The following COP1 variants were observed in gnomAD, a reference collection of about 807,000 sequenced individuals.
The protein encoded by COP1 is COP1 E3 ubiquitin ligase, also known as E3 ubiquitin-protein ligase COP1.
COP1 carries 24 observed loss-of-function variants against 101.3 expected under a neutral mutation model. The observed-to-expected ratio is 0.24, with a 90% CI of 0.17 to 0.33. The LOEUF (loss-of-function observed/expected upper bound fraction) is 0.33. Ranked by LOEUF, COP1 falls within the 10% of genes least tolerant of loss-of-function variation. The probability of loss-of-function intolerance (pLI) is 1.00; values close to 1 mark genes in which losing one functional copy is unlikely to be tolerated. For synonymous variants in COP1, 347 were observed against 341.9 expected (o/e 1.01, Z -0.17); for missense variants, 663 against 906.2 (o/e 0.73, Z 3.45).
At chr1:176,034,588 A>G (rs908283781) in intron 14 of COP1, among the ~76,000 whole-genome samples, 1 of 152,170 alleles carries the variant, frequency 6.6e-6, no homozygotes, top group Non-Finnish European at 1.5e-5. Flanking sequence ...ACAAAGTATC[A>G]GTAAAAGGGG....
intron 11 of COP1, among the ~76,000 whole-genome samples, chr1:176,076,584 C>T (rs1367254275): frequency 6.6e-6 from 1 of 152,022 alleles, no homozygotes; most frequent in Non-Finnish European, 1.5e-5. Context: ...AAAGAACAAT[C>T]TAATCCCAAA....
chr1:176,197,775 T>C (rs1340534641), intron 1 of COP1, among the ~76,000 whole-genome samples: 6 of 152,190 alleles, frequency 3.9e-5, no homozygotes, highest in Admixed American at 2.0e-4. Context: ...ACAAATCCTA[T>C]AGGTTCTACC....
chr1:175,974,803 C>T (rs950452020), intron 18 of COP1, among the ~76,000 whole-genome samples: 5 of 150,646 alleles, frequency 3.3e-5, no homozygotes, highest in Non-Finnish European at 5.9e-5. Flanking sequence ...AAGGCTGAGG[C>T]AGGTGGATCA....
At chr1:176,124,321 T>C (rs1482570244) in intron 8 of COP1, among the ~76,000 whole-genome samples, 4 of 152,108 alleles carry the variant, frequency 2.6e-5, no homozygotes, top group African/African-American at 7.2e-5. Context: ...TTATTGACTA[T>C]AGTCACCCTG....
chr1:176,172,476 G>A (rs777344845), intron 3 of COP1, among the ~76,000 whole-genome samples: 1 of 152,222 alleles, frequency 6.6e-6, no homozygotes, highest in Non-Finnish European at 1.5e-5. Flanking sequence ...GAGTACTGCT[G>A]TAGAAATTGT....
Position 176,119,886 on chromosome 1 carries a change from A to C in COP1, c.969-3205T>G, listed in dbSNP as rs1450461675. ...TCATTCTCATTTCTCAAGTGAGAAA[A>C]TTCAGGCACTGAGAGATTATATATG... On this transcript the variant is annotated intron_variant, in intron 8 of 19. Transcript: ENST00000367669. Among the ~76,000 whole-genome samples, 5 of 152,312 alleles carry C rather than the reference A, an allele frequency of 3.3e-5. No homozygotes were observed. In the East Asian group the frequency reaches 9.7e-4, roughly 29 times the overall value.
chr1:176,077,233 C>T (rs112381794), intron 11 of COP1, among the ~76,000 whole-genome samples: 5,176 of 152,230 alleles, frequency 0.034, 125 homozygotes, highest in Non-Finnish European at 0.054. Flanking sequence ...CGACAAAATA[C>T]TCTGTATTTG....
intron 12 of COP1, 145 bp from the exon 13 acceptor site, chr1:176,043,963 G>A: frequency 6.2e-5 from 34 of 552,532 alleles, no homozygotes; most frequent in South Asian, 1.8e-4. Context: ...CAACATACCT[G>A]GGAAAAGACA....
At chr1:176,041,878 T>C (rs895115154) in intron 14 of COP1, among the ~76,000 whole-genome samples, 2 of 151,362 alleles carry the variant, frequency 1.3e-5, no homozygotes, top group African/African-American at 4.9e-5. Context: ...CTTTGGGAGG[T>C]TGAGGCAGGC....
chr1:176,149,645 G>A (rs559869395), intron 5 of COP1, among the ~76,000 whole-genome samples: 15 of 152,160 alleles, frequency 9.9e-5, no homozygotes, highest in African/African-American at 2.9e-4. Flanking sequence ...GACAGCTTGC[G>A]GGTAGGGAGT....
chr1:176,140,744 T>C (rs1319815911), intron 6 of COP1, among the ~76,000 whole-genome samples: 2 of 152,088 alleles, frequency 1.3e-5, no homozygotes, highest in East Asian at 3.8e-4. Context: ...GGAAAATCAA[T>C]CACAAATTAG....
chr1:175,961,009 T>G (rs1273167309), intron 18 of COP1, among the ~76,000 whole-genome samples: 1 of 152,136 alleles, frequency 6.6e-6, no homozygotes, highest in Admixed American at 6.5e-5. Context: ...AAAGGTGAAT[T>G]TGCTTCCTCT....
chr1:175,995,146 C>T (rs1659808393), intron 15 of COP1, among the ~76,000 whole-genome samples: 1 of 152,150 alleles, frequency 6.6e-6, no homozygotes, highest in African/African-American at 2.4e-5. Flanking sequence ...TGAATGACTA[C>T]CGGGTACATA....
rs1227553305 is a variant in COP1, at chr1:175,988,300, A to G, written c.1960T>C (p.Tyr654His). 2.5e-6 allele frequency: 4 copies of G among 1,611,206 alleles called. No homozygotes were observed. The highest frequency in any genetic ancestry group is 1.3e-5 in the African/African-American group (1 of 74,858). Residue 654 changes from tyrosine to histidine, a missense_variant, in exon 17 of 20, where the codon TAT becomes CAT. Transcript: ENST00000367669. ...TGGTTTCACTTACCACAAGCTATAT[A>G]ATCTCCATTGGAAGCCAGGCCTACA... ...NFVGLASNGD[Y>H]IACGSENNSL...
chr1:176,182,026 T>C (rs2102006292), intron 2 of COP1, among the ~76,000 whole-genome samples: 1 of 152,268 alleles, frequency 6.6e-6, no homozygotes, highest in Non-Finnish European at 1.5e-5. Context: ...ATTATAAATT[T>C]ATTGAAAAGC....
chr1:176,037,129 G>A (rs925699519), intron 14 of COP1, among the ~76,000 whole-genome samples: 5 of 152,162 alleles, frequency 3.3e-5, no homozygotes, highest in African/African-American at 9.7e-5. Flanking sequence ...TAGGCCAGGC[G>A]CAGTGGCTCA....
chr1:175,977,356 TA>T (rs1558194410), intron 18 of COP1, among the ~76,000 whole-genome samples: 1 of 152,116 alleles, frequency 6.6e-6, no homozygotes. Flanking sequence ...CATATCTAGT[TA>T]AAAAAAGACT....
intron 5 of COP1, among the ~76,000 whole-genome samples, chr1:176,157,354 G>T (rs538134375): frequency 6.6e-6 from 1 of 152,118 alleles, no homozygotes; most frequent in Non-Finnish European, 1.5e-5. Flanking sequence ...CAATTTCAAA[G>T]GACTAAACAC....
intron 11 of COP1, among the ~76,000 whole-genome samples, chr1:176,056,129 A>C (rs1673436193): frequency 6.6e-6 from 1 of 152,192 alleles, no homozygotes; most frequent in African/African-American, 2.4e-5. Context: ...CTAAGTTTGT[A>C]ATAAATGTTT....
Sources: gnomAD v4.1 joint callset for allele counts (sites outside exome capture counted in the v4.1 genomes callset) on GRCh38, gnomAD v4.1.1 for gene constraint, MANE v1.5 for transcripts, NCBI Gene and HGNC (gene_info 2026-07-23, HGNC 2026-07-21) for gene names.